Variants in DCLK1 observed in about 807,000 individuals in gnomAD.
The protein encoded by DCLK1 is doublecortin like kinase 1, also known as serine/threonine-protein kinase DCLK1.
DCLK1 carries 16 observed loss-of-function variants against 86.2 expected under a neutral mutation model. That is an observed-to-expected ratio of 0.19 (90% CI 0.13 to 0.28). The LOEUF is 0.28. Among genes scored for constraint, DCLK1 ranks in the 10% least tolerant of loss-of-function variants. The pLI, the probability that DCLK1 is intolerant of heterozygous loss-of-function variation, is 1.00. For missense variants in DCLK1, 590 were observed against 940.2 expected, an observed-to-expected ratio of 0.63 and a Z score of 4.87; for synonymous variants, 369 against 370.5, an observed-to-expected ratio of 1.00 and a Z score of 0.05.
intron 5 of DCLK1, among the ~76,000 whole-genome samples, chr13:35,867,963 A>AAGAAAGAAAGAAAG (rs796441369): frequency 3.0e-5 from 4 of 135,156 alleles, no homozygotes; most frequent in East Asian, 4.3e-4. Context: ...GAAAGAAAGA[A>AAGAAAGAAAGAAAG]AGAGAAAAAG....
At chr13:35,866,423 G>A (rs139781465) in intron 5 of DCLK1, among the ~76,000 whole-genome samples, 36 of 151,024 alleles carry the variant, frequency 2.4e-4, no homozygotes, top group African/African-American at 7.5e-4. Flanking sequence ...TATAAACTTT[G>A]GGTTAATGTT....
intron 6 of DCLK1, chr13:35,850,912 G>A (rs1198498512): frequency 2.9e-6 from 2 of 684,256 alleles, no homozygotes; most frequent in East Asian, 3.2e-5. Context: ...ACTTGGATTA[G>A]GAGGAAAGAT....
At chr13:35,934,675 A>G (rs987861082) in intron 4 of DCLK1, among the ~76,000 whole-genome samples, 1 of 152,100 alleles carries the variant, frequency 6.6e-6, no homozygotes, top group African/African-American at 2.4e-5. Flanking sequence ...GCAATTCAAG[A>G]TGAGATTTGG....
intron 3 of DCLK1, among the ~76,000 whole-genome samples, chr13:36,107,335 A>ATTTTTTT (rs10670428): frequency 6.1e-4 from 67 of 110,296 alleles, no homozygotes; most frequent in African/African-American, 1.9e-3. Flanking sequence ...GCAGTGGTAG[A>ATTTTTTT]TTTTTTTTTT....
At chr13:35,775,889 AG>A (rs1221397966) in intron 16 of DCLK1, among the ~76,000 whole-genome samples, 2 of 152,198 alleles carry the variant, frequency 1.3e-5, no homozygotes, top group African/African-American at 2.4e-5. Flanking sequence ...GATCTAAAAT[AG>A]GCCAATCAAA....
chr13:35,909,615 GTGTGTGTGTGTGT>G (rs778509341), intron 4 of DCLK1, among the ~76,000 whole-genome samples: 1,758 of 102,228 alleles, frequency 0.017, 41 homozygotes, highest in African/African-American at 0.054. Context: ...GTGTGTGTGT[GTGTGTGTGTGTGT>G]GTGTGTGTGT....
Position 35,918,892 on chromosome 13 carries a change from G to T in DCLK1, c.823+28466C>A, listed in dbSNP as rs201328116. Among the ~76,000 whole-genome samples the T allele has an allele frequency of 1.6e-3, 122 of 76,296 alleles. 5 individuals carry two copies. The South Asian group carries it at 0.043, about 27-fold the overall frequency. 50.1% of individuals were successfully genotyped at this position (76,296 alleles called of 152,430 possible). A position where few individuals can be genotyped will look rare whatever the true frequency, so the allele number is the denominator to read the frequency against. On this transcript the variant is annotated intron_variant, in intron 4 of 16. Transcript: ENST00000360631. Reference sequence around the variant, plus strand: ...AAAAAGAAATCTTCCTTCTGAGTGTGTTTTTTTTTTTTTTTTTGGAAACGG... The same window carrying T: ...AAAAAGAAATCTTCCTTCTGAGTGTTTTTTTTTTTTTTTTTTTGGAAACGG...
intron 3 of DCLK1, among the ~76,000 whole-genome samples, chr13:36,035,766 C>G (rs1055836988): frequency 6.6e-6 from 1 of 152,012 alleles, no homozygotes; most frequent in Non-Finnish European, 1.5e-5. Context: ...GGCAAAAGTA[C>G]GTACATACTT....
Position 35,975,805 on chromosome 13 carries a change from C to T in DCLK1, c.724-28348G>A, listed in dbSNP as rs1314568418. On this transcript the variant is annotated intron_variant, in intron 3 of 16. Coordinates refer to ENST00000360631, the MANE Select transcript of DCLK1 (RefSeq NM_001330071.2). ...AACCTGATGTCTAATGACATCTGGGCCACGCTCCCTTGCCTTTTGTGTGCC... is the reference window on the plus strand; with the variant it reads ...AACCTGATGTCTAATGACATCTGGGTCACGCTCCCTTGCCTTTTGTGTGCC... Among the ~76,000 whole-genome samples the T allele has an allele frequency of 3.9e-5, 6 of 152,252 alleles. No homozygotes were observed. In the East Asian group the frequency reaches 5.8e-4, roughly 15 times the overall value.
chr13:36,011,400 G>T (rs1329659925), intron 3 of DCLK1, among the ~76,000 whole-genome samples: 2 of 132,110 alleles, frequency 1.5e-5, no homozygotes, highest in Non-Finnish European at 3.3e-5. Flanking sequence ...TGCTTTGAAT[G>T]TGTCCCAGAG....
intron 4 of DCLK1, among the ~76,000 whole-genome samples, chr13:35,942,043 G>T (rs1346786103): frequency 1.3e-5 from 2 of 152,072 alleles, no homozygotes; most frequent in Non-Finnish European, 2.9e-5. Context: ...ATGAATTAAA[G>T]TTTATCTTGT....
chr13:35,899,490 G>C (rs941494542), intron 4 of DCLK1, among the ~76,000 whole-genome samples: 18 of 151,678 alleles, frequency 1.2e-4, no homozygotes, highest in Admixed American at 1.3e-4. Context: ...AACTAAGCAA[G>C]CAAGAAAAAA....
intron 3 of DCLK1, among the ~76,000 whole-genome samples, chr13:36,099,563 A>G (rs989653946): frequency 1.3e-5 from 2 of 152,240 alleles, no homozygotes; most frequent in Non-Finnish European, 2.9e-5. Context: ...TGCCCACTGA[A>G]AGAAAACTAA....
At chr13:36,067,887 A>T (rs1325776125) in intron 3 of DCLK1, among the ~76,000 whole-genome samples, 2 of 152,142 alleles carry the variant, frequency 1.3e-5, no homozygotes, top group Admixed American at 1.3e-4. Context: ...ACAGAACACT[A>T]ATCTGCTTTG....
At chr13:35,987,160 G>A (rs910683880) in intron 3 of DCLK1, among the ~76,000 whole-genome samples, 2 of 152,160 alleles carry the variant, frequency 1.3e-5, no homozygotes, top group African/African-American at 2.4e-5. Flanking sequence ...GGTGGCTCAC[G>A]CCTGTAATCC....
chr13:35,857,918 T>A lies in DCLK1; in HGVS notation c.941-3325A>T, dbSNP rs545991127. On this transcript the variant is annotated intron_variant, in intron 5 of 16. Coordinates refer to ENST00000360631, the MANE Select transcript of DCLK1 (RefSeq NM_001330071.2). ...GTATGTGGGGTTGGAGGCGGAGGAA[T>A]GTCAGGAATGAGATGGAGGCAGGGG... is the stretch of plus-strand genomic sequence containing the variant. Among the ~76,000 whole-genome samples, 18 of 152,282 alleles carry A rather than the reference T, an allele frequency of 1.2e-4. No homozygotes were observed. The South Asian group carries it at 3.7e-3, about 32-fold the overall frequency.
At chr13:35,799,354 C>T (rs961841476) in intron 15 of DCLK1, among the ~76,000 whole-genome samples, 36 of 152,068 alleles carry the variant, frequency 2.4e-4, no homozygotes, top group Admixed American at 1.0e-3. Flanking sequence ...CGGGTTCAAG[C>T]GATTCTCCTG....
At chr13:36,005,554 A>G (rs1024965297) in intron 3 of DCLK1, among the ~76,000 whole-genome samples, 1 of 152,252 alleles carries the variant, frequency 6.6e-6, no homozygotes, top group Non-Finnish European at 1.5e-5. Context: ...AAGGATATCA[A>G]GTAACACTCC....
chr13:35,953,789 G>C (rs1055397911), intron 3 of DCLK1, among the ~76,000 whole-genome samples: 3 of 152,176 alleles, frequency 2.0e-5, no homozygotes, highest in African/African-American at 7.2e-5. Context: ...ACTTCAGGGA[G>C]CTGGGCCAGT....
Sources: allele counts gnomAD v4.1 joint callset (sites outside exome capture counted in the v4.1 genomes callset), GRCh38; gene constraint gnomAD v4.1.1; transcripts MANE v1.5; gene names NCBI Gene and HGNC (gene_info 2026-07-23, HGNC 2026-07-21).